MTDH: variants seen among roughly 807,000 people sequenced by gnomAD.
The protein encoded by MTDH is metadherin, also known as protein LYRIC.
MTDH carries 34 observed loss-of-function variants against 72.7 expected under a neutral mutation model. The ratio of observed to expected loss-of-function variants is 0.47; its 90% CI spans 0.36 to 0.62. The LOEUF is 0.62. MTDH is among the 20% of genes least tolerant of loss of function. The pLI is 0.00. For synonymous variants in MTDH, 266 were observed against 268.9 expected (o/e 0.99, Z 0.10); for missense variants, 677 against 699.4 (o/e 0.97, Z 0.36).
rs1420946682 is a variant in MTDH, at chr8:97,725,313, G to A, written c.*643G>A. Reference sequence around the variant, plus strand: ...ATGGCTTATGAAGTTATTTTTGATAGTCTTACATTACTTGAATTGTTCAAA... The same window carrying A: ...ATGGCTTATGAAGTTATTTTTGATAATCTTACATTACTTGAATTGTTCAAA... On this transcript the variant is annotated 3_prime_UTR_variant, in exon 12 of 12. Coordinates refer to ENST00000336273, the MANE Select transcript of MTDH (RefSeq NM_178812.4). 6.6e-6 allele frequency: 1 copy of A among 152,538 alleles called. No homozygotes were observed. Among genetic ancestry groups the A allele is most frequent in the African/African-American group, 2.4e-5 (1 of 41,428 alleles). 9.4% of individuals were successfully genotyped at this position (152,538 alleles called of 1,614,324 possible).
intron 9 of MTDH, among the ~76,000 whole-genome samples, chr8:97,716,461 G>T (rs184519762): frequency 4.9e-4 from 75 of 152,172 alleles, no homozygotes; most frequent in Non-Finnish European, 7.6e-4. Context: ...AGGCCGAGGC[G>T]GGTGGATCAC....
Position 97,724,872 on chromosome 8 carries a change from G to T in MTDH, c.*202G>T, listed in dbSNP as rs1815294825. ...AAGAGGTCAGCAGAATATACTCAGT[G>T]ATGGAAGACACTTGGGAAAGTCTTT... On this transcript the variant is annotated 3_prime_UTR_variant, in exon 12 of 12. Coordinates refer to ENST00000336273, the MANE Select transcript of MTDH (RefSeq NM_178812.4). 2.4e-6 allele frequency: 1 copy of T among 410,788 alleles called. No individual in the cohort carries two copies. The highest frequency in any genetic ancestry group is 4.1e-5 in the East Asian group (1 of 24,360). The allele number at this position is 410,788 out of a possible 1,614,324, so 25.4% of individuals were successfully genotyped here. A position where few individuals can be genotyped will look rare whatever the true frequency, so the allele number is the denominator to read the frequency against.
rs898892961 is a variant in MTDH, at chr8:97,727,425, G to C, written c.*2755G>C. ...TGAGGCAGAGAATCGCTTGAACCCG[G>C]GGGGTGGAGGTTGCAGTGAGCTGAG... On this transcript the variant is annotated 3_prime_UTR_variant, in exon 12 of 12. Coordinates refer to ENST00000336273, the MANE Select transcript of MTDH (RefSeq NM_178812.4). 1 of 151,284 alleles carries C rather than the reference G, an allele frequency of 6.6e-6. No homozygotes were observed. The highest frequency in any genetic ancestry group is 2.4e-5 in the African/African-American group (1 of 41,044). The allele number at this position is 151,284 out of a possible 1,614,324, so 9.4% of individuals were successfully genotyped here. A position where few individuals can be genotyped will look rare whatever the true frequency, so the allele number is the denominator to read the frequency against.
chr8:97,697,632 G>A (rs1182643737), intron 6 of MTDH, among the ~76,000 whole-genome samples: 1 of 151,944 alleles, frequency 6.6e-6, no homozygotes, highest in Non-Finnish European at 1.5e-5. Context: ...TGATCCACCT[G>A]CCTTGGCCTC....
At chr8:97,719,249 C>G in intron 10 of MTDH, 60 bp downstream of exon 10, 1 of 1,552,610 alleles carries the variant, frequency 6.4e-7, no homozygotes, top group Admixed American at 1.9e-5. Flanking sequence ...AATCCCAGCA[C>G]TTTGAGAGGC....
At chr8:97,681,714 A>G (rs911171322) in intron 2 of MTDH, among the ~76,000 whole-genome samples, 48 of 152,032 alleles carry the variant, frequency 3.2e-4, no homozygotes, top group Admixed American at 8.5e-4. Flanking sequence ...CCTGGTCTCA[A>G]ACTCCTAACC....
At position 97,688,494 on chromosome 8, in the gene MTDH, C is replaced by T. The variant is rs376212063; in HGVS notation, c.746-544C>T. On this transcript the variant is annotated intron_variant, in intron 4 of 11. Transcript: ENST00000336273. The stretch of plus-strand genomic sequence containing the variant: ...CTTGTGCATGCCATCCTTGCTAGCA[C>T]AATCCTATGTCATGCTGGTTTTTTT... Among the ~76,000 whole-genome samples, 98 of 152,290 alleles carry T rather than the reference C, an allele frequency of 6.4e-4. 2 individuals are homozygous for T. The highest frequency in any genetic ancestry group is 6.8e-3 in the Middle Eastern group (2 of 294).
chr8:97,697,131 T>A (rs184653628), intron 6 of MTDH, among the ~76,000 whole-genome samples: 5,105 of 66,442 alleles, frequency 0.077, 719 homozygotes, highest in African/African-American at 0.17. Context: ...AAAAAAAAAA[T>A]ATATATATAT....
In MTDH at chr8:97,644,735, G is replaced by C; in HGVS notation, c.229G>C (p.Gly77Arg). 1 of 1,576,886 alleles carries C rather than the reference G, an allele frequency of 6.3e-7. No homozygotes were observed. The highest frequency in any genetic ancestry group is 8.6e-7 in the Non-Finnish European group (1 of 1,168,244). ...LGYGWAAACA[G>R]ARKKRRSPPR... The stretch of plus-strand genomic sequence containing the variant: ...CTACGGCTGGGCCGCGGCTTGCGCC[G>C]GCGCCCGCAAAAAGCGGAGGAGCCC... Residue 77 changes from glycine to arginine, a missense_variant, in exon 1 of 12, where the codon GGC becomes CGC. Around this residue, in one of 3 missense-constraint regions of MTDH, gnomAD observed 467 missense variants for 469.1 expected, o/e 1.00. Transcript: ENST00000336273.
At chr8:97,711,492 A>C (rs1814633515) in intron 8 of MTDH, among the ~76,000 whole-genome samples, 1 of 142,840 alleles carries the variant, frequency 7.0e-6, no homozygotes, top group South Asian at 2.1e-4. Flanking sequence ...GAAAAAAACA[A>C]AACAAACAAA....
rs758223570 is a variant in MTDH, at chr8:97,713,788, A to C, written c.1380+19A>C. On this transcript the variant is annotated intron_variant, in intron 9 of 11. Transcript: ENST00000336273. ...TGCACAGGTAAAATGTCAGAACAAC[A>C]AGCATTCATTAAGCGCCTCCGGCTT... 5.9e-5 allele frequency: 86 copies of C among 1,460,024 alleles called. No individual in the cohort carries two copies. Among genetic ancestry groups the C allele is most frequent in the Non-Finnish European group, 4.6e-6 (5 of 1,078,664 alleles). 90.4% of individuals were successfully genotyped at this position (1,460,024 alleles called of 1,614,324 possible).
rs572048717 is a variant in MTDH, at chr8:97,690,939, T to A, written c.812-13T>A. The A allele has an allele frequency of 1.3e-6, 2 of 1,571,508 alleles. No individual in the cohort carries two copies. Among genetic ancestry groups the A allele is most frequent in the South Asian group, 2.3e-5 (2 of 86,666 alleles). On this transcript the variant is annotated splice_polypyrimidine_tract_variant and intron_variant, in intron 5 of 11. Coordinates refer to ENST00000336273, the MANE Select transcript of MTDH (RefSeq NM_178812.4). ...TGTACCTGTTTTTTAATATTCATTT[T>A]CTTTTCTTTAAGTTTCTTCAGGATT...
In MTDH at chr8:97,644,748, A is replaced by C; in HGVS notation, c.242A>C (p.Lys81Thr). 6.4e-7 allele frequency: 1 copy of C among 1,572,382 alleles called. No individual in the cohort carries two copies. The highest frequency in any genetic ancestry group is 8.6e-7 in the Non-Finnish European group (1 of 1,166,284). Residue 81 changes from lysine (K) to threonine (T), a missense_variant, in exon 1 of 12, where the codon AAG becomes ACG. Lys to Thr is a moderately conservative substitution (Grantham distance 78). This residue lies in a region of MTDH where 467 missense variants were observed against 469.1 expected (regional missense o/e 1.00). Coordinates refer to ENST00000336273, the MANE Select transcript of MTDH (RefSeq NM_178812.4). The stretch of plus-strand genomic sequence containing the variant: ...GCGGCTTGCGCCGGCGCCCGCAAAA[A>C]GCGGAGGAGCCCGCCCCGCAAGCGG... ...WAAACAGARK[K>T]RRSPPRKREE...
chr8:97,666,962 G>C (rs767842385), intron 2 of MTDH, among the ~76,000 whole-genome samples: 7 of 152,084 alleles, frequency 4.6e-5, no homozygotes, highest in African/African-American at 1.4e-4. Context: ...CTCCCAAAGT[G>C]CTGGGATTAT....
chr8:97,659,961 C>T (rs1462389023), intron 1 of MTDH, among the ~76,000 whole-genome samples: 1 of 152,104 alleles, frequency 6.6e-6, no homozygotes, highest in East Asian at 1.9e-4. Flanking sequence ...GAGTTCAAGA[C>T]CAGCCAGACC....
At chr8:97,708,901 G>C (rs1314748955) in intron 8 of MTDH, among the ~76,000 whole-genome samples, 3 of 151,876 alleles carry the variant, frequency 2.0e-5, no homozygotes, top group African/African-American at 7.2e-5. Flanking sequence ...CCCCCAGCCA[G>C]GATTGGTCTT....
intron 2 of MTDH, among the ~76,000 whole-genome samples, chr8:97,675,377 A>G (rs1812793000): frequency 6.6e-6 from 1 of 151,978 alleles, no homozygotes; most frequent in Non-Finnish European, 1.5e-5. Context: ...CCTGGCCGAC[A>G]TGGCGAAACC....
chr8:97,730,037 T>C lies in MTDH; in HGVS notation c.*5367T>C, dbSNP rs1013255742. ...CCCTAGCATCATGACATGTATATAG[T>C]GTGTTGTAAGACATTTGCCAGCTAA... On this transcript the variant is annotated 3_prime_UTR_variant, in exon 12 of 12. Coordinates refer to ENST00000336273, the MANE Select transcript of MTDH (RefSeq NM_178812.4). Among the ~76,000 whole-genome samples, 2 of 152,202 alleles carry C rather than the reference T, an allele frequency of 1.3e-5. No individual in the cohort carries two copies. Among genetic ancestry groups the C allele is most frequent in the African/African-American group, 4.8e-5 (2 of 41,456 alleles).
intron 6 of MTDH, among the ~76,000 whole-genome samples, chr8:97,694,916 C>T (rs1353716529): frequency 6.6e-6 from 1 of 151,714 alleles, no homozygotes; most frequent in African/African-American, 2.4e-5. Context: ...GAGCGAGACT[C>T]CCTCTCAAAA....
Sources: gnomAD v4.1 joint callset for allele counts (sites outside exome capture counted in the v4.1 genomes callset) on GRCh38, gnomAD v4.1.1 for gene constraint, gnomAD v4.1.1 regional missense constraint, MANE v1.5 for transcripts, NCBI Gene and HGNC (gene_info 2026-07-23, HGNC 2026-07-21) for gene names.